Variants in NUBP1 observed in about 807,000 individuals in gnomAD.
NUBP1 encodes NUBP iron-sulfur cluster assembly factor 1, cytosolic, also known as cytosolic Fe-S cluster assembly factor NUBP1.
Under a neutral mutation model 41.8 loss-of-function variants are expected in NUBP1, and 46 were observed. That is an observed-to-expected ratio of 1.10 (90% CI 0.87 to 1.41). NUBP1 has a LOEUF of 1.41. Ranked by LOEUF, NUBP1 falls within the 40% of genes most tolerant of loss-of-function variation. NUBP1 has a pLI of 0.00. For missense variants in NUBP1, 494 were observed against 414.0 expected (o/e 1.19, Z -1.68); for synonymous variants, 189 against 154.6 (o/e 1.22, Z -1.65).
intron 3 of NUBP1, 93 bp from the exon 4 acceptor site, chr16:10,752,517 C>A: frequency 4.1e-6 from 4 of 970,872 alleles, no homozygotes; most frequent in South Asian, 1.3e-5. Flanking sequence ...TCTCCCCTGT[C>A]CTTTTCCTCT....
chr16:10,756,697 A>G lies in NUBP1; in HGVS notation c.368A>G (p.Glu123Gly). 6.4e-7 allele frequency: 1 copy of G among 1,567,840 alleles called. No individual in the cohort carries two copies. The highest frequency in any genetic ancestry group is 8.6e-7 in the Non-Finnish European group (1 of 1,162,764). Residue 123 changes from glutamate (E) to glycine (G), a missense_variant, in exon 6 of 11, where the codon GAA becomes GGA. Physicochemically the swap from Glu to Gly is moderately conservative, Grantham distance 98. Coordinates refer to ENST00000283027, the MANE Select transcript of NUBP1 (RefSeq NM_002484.4). ...ACCCTGTTCCCTCTGCAGTACGTGG[A>G]AGACAACCTGGGGGTGATGTCAGTG... Reference protein sequence around the residue: ...SGSGWSPVYVEDNLGVMSVGF... With the variant: ...SGSGWSPVYVGDNLGVMSVGF...
intron 9 of NUBP1, among the ~76,000 whole-genome samples, chr16:10,762,802 G>T (rs939515512): frequency 6.6e-6 from 1 of 152,142 alleles, no homozygotes; most frequent in Non-Finnish European, 1.5e-5. Context: ...AGGAGAGGGT[G>T]GGGGCCGCGT....
chr16:10,766,718 C>G lies in NUBP1; in HGVS notation c.821-1231C>G, dbSNP rs2142829350. 1 of 389,050 alleles carries G rather than the reference C, an allele frequency of 2.6e-6. No individual in the cohort carries two copies. The highest frequency in any genetic ancestry group is 2.1e-5 in the African/African-American group (1 of 48,546). 24.1% of individuals were successfully genotyped at this position (389,050 alleles called of 1,614,324 possible). A position where few individuals can be genotyped will look rare whatever the true frequency, so the allele number is the denominator to read the frequency against. On this transcript the variant is annotated intron_variant, in intron 9 of 10. Coordinates refer to ENST00000283027, the MANE Select transcript of NUBP1 (RefSeq NM_002484.4). This position sits in a 1 kb window ranked among gnomAD's most constrained non-coding sequence, Gnocchi z 4.8. The stretch of plus-strand genomic sequence containing the variant: ...GATTTATTGAAAATGAAAGTCAACT[C>G]CACGGTGTGGGAGGAGAACGGGCCT...
chr16:10,755,716 C>T lies in NUBP1; in HGVS notation c.328-5C>T. 1.2e-6 allele frequency: 2 copies of T among 1,614,080 alleles called. No homozygotes were observed. The highest frequency in any genetic ancestry group is 1.1e-5 in the South Asian group (1 of 91,074). ...TAATGAACATCGGTGCTCATGTTCA[C>T]ACAGGTTCACCAGAGTGGCTCAGGC... On this transcript the variant is annotated splice_region_variant and splice_polypyrimidine_tract_variant and intron_variant, in intron 4 of 10. Transcript: ENST00000283027.
chr16:10,752,144 T>C (rs1900347409), intron 3 of NUBP1, among the ~76,000 whole-genome samples: 1 of 152,194 alleles, frequency 6.6e-6, no homozygotes, highest in Admixed American at 6.5e-5. Flanking sequence ...CTGAACAAGA[T>C]AGGATGAGTT....
rs146511825 is a variant in NUBP1, at chr16:10,769,193, G to C, written c.*88G>C. ...GCCAGACCCGACCAGCTCCGGGATGGGGTGGGTCACAGCAAAAGGACCAGA... is the reference window on the plus strand; with the variant it reads ...GCCAGACCCGACCAGCTCCGGGATGCGGTGGGTCACAGCAAAAGGACCAGA... On this transcript the variant is annotated 3_prime_UTR_variant, in exon 11 of 11. Coordinates refer to ENST00000283027, the MANE Select transcript of NUBP1 (RefSeq NM_002484.4). 1.1e-3 allele frequency: 1,356 copies of C among 1,242,130 alleles called. 16 individuals carry two copies. In the African/African-American group the frequency reaches 0.016, roughly 14 times the overall value. 76.9% of individuals were successfully genotyped at this position (1,242,130 alleles called of 1,614,324 possible). A position where few individuals can be genotyped will look rare whatever the true frequency, so the allele number is the denominator to read the frequency against.
At chr16:10,753,479 A>C (rs548717442) in intron 4 of NUBP1, among the ~76,000 whole-genome samples, 6 of 151,958 alleles carry the variant, frequency 3.9e-5, no homozygotes, top group Non-Finnish European at 8.8e-5. Context: ...GCTAGCAAGA[A>C]GCTCTCCAAG....
chr16:10,743,937 A>G (rs772755550), intron 1 of NUBP1, 24 bp from the exon 2 acceptor site: 1 of 1,589,282 alleles, frequency 6.3e-7, no homozygotes, highest in Non-Finnish European at 8.5e-7. Flanking sequence ...GAGCTGCTCT[A>G]ACTGTGGTCT....
In NUBP1 at chr16:10,752,688, G is replaced by A. The variant is rs201497927; in HGVS notation, c.327+10G>A. The A allele has an allele frequency of 6.9e-5, 111 of 1,611,684 alleles. No homozygotes were observed. The highest frequency in any genetic ancestry group is 1.5e-4 in the Admixed American group (9 of 59,978). Reference sequence around the variant, plus strand: ...ATTGGAAGGAGAGCAGGTAATAGCCGGTTACAGAACTCAGGAAATTATTCT... The same window carrying A: ...ATTGGAAGGAGAGCAGGTAATAGCCAGTTACAGAACTCAGGAAATTATTCT... On this transcript the variant is annotated intron_variant, in intron 4 of 10. Transcript: ENST00000283027.
At chr16:10,751,016 T>A (rs1900290050) in intron 3 of NUBP1, among the ~76,000 whole-genome samples, 1 of 152,014 alleles carries the variant, frequency 6.6e-6, no homozygotes, top group Non-Finnish European at 1.5e-5. Context: ...AGTAATAAGA[T>A]CAACAGGAAG....
Position 10,759,837 on chromosome 16 carries a change from C to T in NUBP1, c.607-1527C>T, listed in dbSNP as rs919345224. ...GCCCATTGACTTTCTAGCTGAGCGC[C>T]CCTTCCTCCGCATCCCAGCCTCAGT... On this transcript the variant is annotated intron_variant, in intron 7 of 10. Coordinates refer to ENST00000283027, the MANE Select transcript of NUBP1 (RefSeq NM_002484.4). The surrounding 1 kb of genome is among the most constrained non-coding windows in gnomAD (Gnocchi z 4.7). 1.3e-5 allele frequency among the ~76,000 whole-genome samples: 2 copies of T among 152,208 alleles called. No individual in the cohort carries two copies. Among genetic ancestry groups the T allele is most frequent in the East Asian group, 3.9e-4 (2 of 5,192 alleles).
At position 10,757,809 on chromosome 16, in the gene NUBP1, G is replaced by C; in HGVS notation, c.452-64G>C. 1.3e-6 allele frequency: 2 copies of C among 1,560,678 alleles called. No individual in the cohort carries two copies. Among genetic ancestry groups the C allele is most frequent in the Non-Finnish European group, 1.7e-6 (2 of 1,144,672 alleles). ...AAGACCCCATCCTTTAAAAAAAAAA[G>C]AGGGAGTTGAAAGTACAGAAAAGAA... On this transcript the variant is annotated intron_variant, in intron 6 of 10. Coordinates refer to ENST00000283027, the MANE Select transcript of NUBP1 (RefSeq NM_002484.4). This position sits in a 1 kb window ranked among gnomAD's most constrained non-coding sequence, Gnocchi z 4.1.
intron 3 of NUBP1, 59 bp from the exon 4 acceptor site, chr16:10,752,551 G>A: frequency 2.9e-6 from 4 of 1,363,256 alleles, no homozygotes; most frequent in Non-Finnish European, 4.2e-6. Context: ...TCCTAGTTGT[G>A]TGTGTCTGGA....
chr16:10,745,387 G>A (rs1176644297), intron 2 of NUBP1, among the ~76,000 whole-genome samples: 1 of 152,124 alleles, frequency 6.6e-6, no homozygotes, highest in East Asian at 1.9e-4. Context: ...CCCGGGAGGT[G>A]GAGGTTGCAG....
Position 10,743,880 on chromosome 16 carries a change from AC to A in NUBP1, c.18del (p.His6GlnfsTer38). ...GGCGACGGAATGGAGGAGGTGCCTC[AC>A]GGTAAGCTCGCGGAGGGGGCGTGGG... MEEVP[H>X]DCPGADSAQA... On this transcript the variant is annotated frameshift_variant and splice_region_variant, in exon 1 of 11. Coordinates refer to ENST00000283027, the MANE Select transcript of NUBP1 (RefSeq NM_002484.4). LOFTEE classifies it high-confidence loss of function. The A allele has an allele frequency of 6.4e-7, 1 of 1,567,574 alleles. No homozygotes were observed. The highest frequency in any genetic ancestry group is 8.6e-7 in the Non-Finnish European group (1 of 1,157,790).
Position 10,765,282 on chromosome 16 carries a change from C to CAA in NUBP1, c.821-2666_821-2665dup, listed in dbSNP as rs71133394. The CAA allele has an allele frequency of 1.4e-5, 2 of 140,966 alleles. No individual in the cohort carries two copies. Among genetic ancestry groups the CAA allele is most frequent in the African/African-American group, 5.3e-5 (2 of 38,028 alleles). The allele number at this position is 140,966 out of a possible 1,614,324, so 8.7% of individuals were successfully genotyped here. A position where few individuals can be genotyped will look rare whatever the true frequency, so the allele number is the denominator to read the frequency against. On this transcript the variant is annotated intron_variant, in intron 9 of 10. Coordinates refer to ENST00000283027, the MANE Select transcript of NUBP1 (RefSeq NM_002484.4). The surrounding 1 kb of genome is among the most constrained non-coding windows in gnomAD (Gnocchi z 4.0). ...TTAAATACACACACACACACACACA[C>CAA]AACCATGCTCTAGCCTGGGTAACAC...
chr16:10,757,694 G>T lies in NUBP1; in HGVS notation c.452-179G>T, dbSNP rs1900651224. ...TGCTTCTCCGTGAGCTGGGCACAGT[G>T]GCACGCACTTATAGTCCTAGTTACT... On this transcript the variant is annotated intron_variant, in intron 6 of 10. Transcript: ENST00000283027. The surrounding 1 kb of genome is among the most constrained non-coding windows in gnomAD (Gnocchi z 4.1). 6.6e-6 allele frequency among the ~76,000 whole-genome samples: 1 copy of T among 152,138 alleles called. No individual in the cohort carries two copies. The highest frequency in any genetic ancestry group is 1.9e-4 in the East Asian group (1 of 5,196).
chr16:10,756,506 G>T (rs1900565425), intron 5 of NUBP1, among the ~76,000 whole-genome samples, 184 bp from the exon 6 acceptor site: 1 of 151,482 alleles, frequency 6.6e-6, no homozygotes, highest in Non-Finnish European at 1.5e-5. Flanking sequence ...CCCCAACATG[G>T]TACCCTTTTT....
chr16:10,754,916 G>A (rs1282616094), intron 4 of NUBP1, among the ~76,000 whole-genome samples: 1 of 152,046 alleles, frequency 6.6e-6, no homozygotes, highest in African/African-American at 2.4e-5. Context: ...ATGGTGGCGG[G>A]CACCTATAAT....
Sources: gnomAD v4.1 joint callset for allele counts (sites outside exome capture counted in the v4.1 genomes callset) on GRCh38, gnomAD v4.1.1 for gene constraint, Gnocchi (gnomAD v3.1) non-coding constraint, MANE v1.5 for transcripts, NCBI Gene and HGNC (gene_info 2026-07-23, HGNC 2026-07-21) for gene names.